Variants in JAK2 observed in about 807,000 individuals in gnomAD.
JAK2 encodes Janus kinase 2, also known as tyrosine-protein kinase JAK2.
JAK2 carries 86 observed loss-of-function variants against 139.3 expected under a neutral mutation model. The observed-to-expected ratio is 0.62, with a 90% CI of 0.52 to 0.74. The LOEUF is 0.74. Among genes scored for constraint, JAK2 ranks in the 30% least tolerant of loss-of-function variants. The pLI is 0.00. For missense variants in JAK2, 1,421 were observed against 1,360.3 expected (o/e 1.04, Z -0.70); for synonymous variants, 490 against 437.7 (o/e 1.12, Z -1.49).
chr9:5,123,006 A>G lies in JAK2; in HGVS notation c.3062A>G (p.Tyr1021Cys), dbSNP rs199942090. The part of the protein sequence containing the change: ...KEPGESPIFW[Y>C]APESLTESKF... Reference sequence around the variant, plus strand: ...AAATGTTATTCATATATTTACAGGTATGCTCCAGAATCACTGACAGAGAGC... The same window carrying G: ...AAATGTTATTCATATATTTACAGGTGTGCTCCAGAATCACTGACAGAGAGC... The change falls in exon 23 of 25, where the codon TAT (tyrosine) becomes TGT (cysteine). Residue 1021 changes from tyrosine (Y) to cysteine (C), a missense_variant and splice_region_variant. Coordinates refer to ENST00000381652, the MANE Select transcript of JAK2 (RefSeq NM_004972.4). 2 of 1,601,070 alleles carry G rather than the reference A, an allele frequency of 1.2e-6. No individual in the cohort carries two copies. Among genetic ancestry groups the G allele is most frequent in the Admixed American group, 1.7e-5 (1 of 59,262 alleles).
intron 22 of JAK2, among the ~76,000 whole-genome samples, chr9:5,096,121 A>G (rs758626370): frequency 2.0e-4 from 30 of 152,228 alleles, no homozygotes; most frequent in Middle Eastern, 6.8e-3. Context: ...AATTTACTCC[A>G]TCTCAATGAC....
chr9:5,114,024 G>A (rs1437688391), intron 22 of JAK2: 4 of 308,682 alleles, frequency 1.3e-5, no homozygotes, highest in African/African-American at 4.4e-5. Flanking sequence ...CTGGTCCATC[G>A]CCTCTCCCAT....
chr9:5,029,414 G>A (rs1822994672), intron 3 of JAK2, among the ~76,000 whole-genome samples: 1 of 152,128 alleles, frequency 6.6e-6, no homozygotes, highest in African/African-American at 2.4e-5. Flanking sequence ...AAAAAAGTTT[G>A]AAGTATTGCA....
chr9:5,120,843 A>G (rs1823561967), intron 22 of JAK2, among the ~76,000 whole-genome samples: 1 of 152,212 alleles, frequency 6.6e-6, no homozygotes, highest in South Asian at 2.1e-4. Context: ...GAGCAGCTAA[A>G]TAGATTGTGA....
At chr9:5,101,762 T>G (rs1201256296) in intron 22 of JAK2, among the ~76,000 whole-genome samples, 1 of 152,046 alleles carries the variant, frequency 6.6e-6, no homozygotes, top group East Asian at 1.9e-4. Flanking sequence ...GCAAACAGAG[T>G]CTGGAGTGGA....
At chr9:5,108,677 C>G (rs1822179917) in intron 22 of JAK2, 1 of 151,968 alleles carries the variant, frequency 6.6e-6, no homozygotes, top group Non-Finnish European at 1.5e-5. Flanking sequence ...TCCTCAGCCC[C>G]CTAACAGAAT....
chr9:5,074,146 A>G (rs1819153321), intron 14 of JAK2, among the ~76,000 whole-genome samples: 1 of 152,170 alleles, frequency 6.6e-6, no homozygotes, highest in Non-Finnish European at 1.5e-5. Context: ...CAAAGCATAT[A>G]AATGATACAC....
Position 5,055,729 on chromosome 9 carries a change from C to A in JAK2, c.997C>A (p.Gln333Lys). Residue 333 changes from glutamine (Q) to lysine (K), a missense_variant, in exon 8 of 25, where the codon CAA becomes AAA. By Grantham distance (53) the Gln-to-Lys change is moderately conservative. Transcript: ENST00000381652. ...TGATGTCAGTATTAAGCAAGCAAAC[C>A]AAGAGGGTTCAAATGAAAGCCGAGT... Reference protein sequence around the residue: ...IIDVSIKQANQEGSNESRVVT... With the variant: ...IIDVSIKQANKEGSNESRVVT... 1 of 1,607,354 alleles carries A rather than the reference C, an allele frequency of 6.2e-7. No individual in the cohort carries two copies. Among genetic ancestry groups the A allele is most frequent in the Non-Finnish European group, 8.5e-7 (1 of 1,174,780 alleles).
chr9:4,993,265 T>C (rs1333313983), intron 2 of JAK2, among the ~76,000 whole-genome samples: 1 of 152,226 alleles, frequency 6.6e-6, no homozygotes, highest in Non-Finnish European at 1.5e-5. Context: ...TGAAAGGATC[T>C]ATGAGGTACT....
chr9:5,069,111 C>T lies in JAK2; in HGVS notation c.1416C>T (p.Ser472=), dbSNP rs149595423. 4.3e-6 allele frequency: 7 copies of T among 1,610,636 alleles called. No homozygotes were observed. In the African/African-American group the frequency reaches 6.7e-5, roughly 15 times the overall value. The change falls in exon 11 of 25, where the codon AGC becomes AGT. Residue 472 remains serine (S), a synonymous_variant. Transcript: ENST00000381652. The stretch of plus-strand genomic sequence containing the variant: ...TCAGTGGGACAAAGAAGAACTTCAG[C>T]AGTCTTAAAGATCTTTTGAATTGTT... ...YNLSGTKKNF[S]SLKDLLNCYQ... is the part of the protein sequence containing the mutation.
chr9:5,003,196 A>G (rs530494408), intron 2 of JAK2, among the ~76,000 whole-genome samples: 34 of 152,024 alleles, frequency 2.2e-4, no homozygotes, highest in Admixed American at 1.7e-3. Context: ...TGTTTTGGCT[A>G]TTGTAAATCC....
chr9:4,986,726 C>G (rs1007448183), intron 2 of JAK2, among the ~76,000 whole-genome samples: 2 of 151,990 alleles, frequency 1.3e-5, no homozygotes, highest in African/African-American at 2.4e-5. Flanking sequence ...TATACAAAAT[C>G]AGACATCTTG....
In JAK2 at chr9:5,054,502, T is replaced by C. The variant is rs1473473690; in HGVS notation, c.615-61T>C. 2 of 1,380,600 alleles carry C rather than the reference T, an allele frequency of 1.4e-6. No individual in the cohort carries two copies. Among genetic ancestry groups the C allele is most frequent in the Non-Finnish European group, 2.0e-6 (2 of 1,011,068 alleles). The allele number at this position is 1,380,600 out of a possible 1,614,324, so 85.5% of individuals were successfully genotyped here. ...AGGTGGTAACTTCTTTTTCAATTTTTAGATTTATCTTCCAATTTTTGTTTT... is the reference window on the plus strand; with the variant it reads ...AGGTGGTAACTTCTTTTTCAATTTTCAGATTTATCTTCCAATTTTTGTTTT... On this transcript the variant is annotated intron_variant, in intron 6 of 24. Coordinates refer to ENST00000381652, the MANE Select transcript of JAK2 (RefSeq NM_004972.4). The surrounding 1 kb of genome is among the most constrained non-coding windows in gnomAD (Gnocchi z 4.9).
rs759528768 is a variant in JAK2 at position 5,070,031 on chromosome 9, C to T, written c.1620C>T (p.Ile540=). The T allele has an allele frequency of 6.2e-7, 1 of 1,605,552 alleles. No individual in the cohort carries two copies. The change falls in exon 12 of 25, where the codon ATC becomes ATT. Residue 540 remains isoleucine (I), a synonymous_variant. Coordinates refer to ENST00000381652, the MANE Select transcript of JAK2 (RefSeq NM_004972.4). ...TGAACCAAATGGTGTTTCACAAAAT[C>T]AGAAATGAAGATTTGATATTTGTAA... ...THMNQMVFHK[I]RNEDLIFNES...
chr9:5,002,287 C>T lies in JAK2; in HGVS notation c.-26+16265C>T, dbSNP rs75877118. 3.8e-4 allele frequency among the ~76,000 whole-genome samples: 58 copies of T among 151,950 alleles called. 2 individuals carry two copies. The East Asian group carries it at 0.011, about 29-fold the overall frequency. On this transcript the variant is annotated intron_variant, in intron 2 of 24. Coordinates refer to ENST00000381652, the MANE Select transcript of JAK2 (RefSeq NM_004972.4). ...TCCATCATAAGCATTTATAGCTATACATTCTCTCTAACCACTATTTTAGCT... is the reference window on the plus strand; with the variant it reads ...TCCATCATAAGCATTTATAGCTATATATTCTCTCTAACCACTATTTTAGCT...
intron 2 of JAK2, among the ~76,000 whole-genome samples, chr9:5,016,937 T>C (rs1174258107): frequency 6.6e-6 from 1 of 152,158 alleles, no homozygotes; most frequent in Admixed American, 6.5e-5. Flanking sequence ...TTTCCTAGAA[T>C]AGAAAAAAGA....
chr9:5,060,521 G>A lies in JAK2; in HGVS notation c.1057-4362G>A, dbSNP rs536723274. 1.3e-4 allele frequency among the ~76,000 whole-genome samples: 20 copies of A among 152,256 alleles called. No homozygotes were observed. The South Asian group carries it at 3.9e-3, about 30-fold the overall frequency. On this transcript the variant is annotated intron_variant, in intron 8 of 24. Transcript: ENST00000381652. ...CACCCAGGACTAGATTCCATCTCAA[G>A]AAACCATTTTTTTATGCATAAGAAG...
intron 2 of JAK2, among the ~76,000 whole-genome samples, chr9:5,008,269 C>G (rs1475277613): frequency 6.6e-6 from 1 of 152,130 alleles, no homozygotes; most frequent in East Asian, 1.9e-4. Context: ...TGTATGATTT[C>G]ATTAATAATT....
intron 2 of JAK2, among the ~76,000 whole-genome samples, chr9:5,001,094 A>T (rs965792774): frequency 2.6e-5 from 4 of 152,140 alleles, no homozygotes; most frequent in African/African-American, 9.7e-5. Context: ...AGTTCTAGTA[A>T]TTTTTTGGTA....
Sources: gnomAD v4.1 joint callset for allele counts (sites outside exome capture counted in the v4.1 genomes callset) on GRCh38, gnomAD v4.1.1 for gene constraint, Gnocchi (gnomAD v3.1) non-coding constraint, MANE v1.5 for transcripts, NCBI Gene and HGNC (gene_info 2026-07-23, HGNC 2026-07-21) for gene names.